ILRUN: variants seen among roughly 807,000 people sequenced by gnomAD.
The protein encoded by ILRUN is protein ILRUN.
A neutral mutation model predicts 33.8 loss-of-function variants in ILRUN; 3 were observed. The ratio of observed to expected loss-of-function variants is 0.09; its 90% CI spans 0.04 to 0.23. The LOEUF (loss-of-function observed/expected upper bound fraction) is 0.23. Ranked by LOEUF, ILRUN falls within the 10% of genes least tolerant of loss-of-function variation. The pLI is 1.00. For missense variants in ILRUN, 210 were observed against 375.1 expected (o/e 0.56, Z 3.64); for synonymous variants, 124 against 138.9 (o/e 0.89, Z 0.75).
rs1215942659 is a variant in ILRUN, at chr6:34,696,279, A to G, written c.158+167T>C. On this transcript the variant is annotated intron_variant, in intron 1 of 4. Transcript: ENST00000374023. ...CTCCTTTAGCCCTGCTCAGCCCCCAAATACTCCCTATGCCCACGGGGCTCC... is the reference window on the plus strand; with the variant it reads ...CTCCTTTAGCCCTGCTCAGCCCCCAGATACTCCCTATGCCCACGGGGCTCC... 5.8e-6 allele frequency: 4 copies of G among 690,176 alleles called. No individual in the cohort carries two copies. The South Asian group carries it at 5.8e-5, about 10-fold the overall frequency. The allele number at this position is 690,176 out of a possible 1,614,324, so 42.8% of individuals were successfully genotyped here.
intron 1 of ILRUN, among the ~76,000 whole-genome samples, chr6:34,691,184 G>T (rs1763643037): frequency 2.6e-5 from 4 of 152,082 alleles, no homozygotes. Flanking sequence ...CACTGCACCT[G>T]GCCTAAACTA....
At chr6:34,601,944 G>A (rs931872331) in intron 4 of ILRUN, among the ~76,000 whole-genome samples, 5 of 152,160 alleles carry the variant, frequency 3.3e-5, no homozygotes, top group African/African-American at 4.8e-5. Flanking sequence ...GCACGAGTGC[G>A]CGAGCAGATG....
At chr6:34,650,816 T>A (rs1253810302) in intron 2 of ILRUN, among the ~76,000 whole-genome samples, 2 of 152,182 alleles carry the variant, frequency 1.3e-5, no homozygotes, top group Admixed American at 1.3e-4. Flanking sequence ...TTGGGACAAC[T>A]ATATGCGATT....
chr6:34,626,325 C>T (rs1762129206), intron 3 of ILRUN, among the ~76,000 whole-genome samples: 3 of 152,118 alleles, frequency 2.0e-5, no homozygotes, highest in Admixed American at 2.0e-4. Context: ...GTGCATGTCA[C>T]CATGCTCAGC....
At chr6:34,613,925 C>T (rs559776600) in intron 3 of ILRUN, among the ~76,000 whole-genome samples, 9 of 152,062 alleles carry the variant, frequency 5.9e-5, no homozygotes, top group African/African-American at 1.9e-4. Flanking sequence ...GCTGATTCTG[C>T]GGCTAGGGCA....
chr6:34,590,686 G>GT, intron 4 of ILRUN, 86 bp from the exon 5 acceptor site: 1 of 1,017,290 alleles, frequency 9.8e-7, no homozygotes, highest in Non-Finnish European at 1.6e-6. Flanking sequence ...ATGGTTCCCA[G>GT]TGAGTCACAA....
intron 1 of ILRUN, chr6:34,685,330 AATTTTTTTG>A (rs1763492422): frequency 1.3e-5 from 2 of 151,370 alleles, no homozygotes; most frequent in Non-Finnish European, 2.9e-5. Context: ...TTTATTTTTT[AATTTTTTTG>A]ATTTTTTATT....
rs1293818249 is a variant in ILRUN at position 34,592,213 on chromosome 6, C to T, written c.862-1613G>A. Among the ~76,000 whole-genome samples the T allele has an allele frequency of 6.6e-6, 1 of 152,266 alleles. No homozygotes were observed. The highest frequency in any genetic ancestry group is 1.5e-5 in the Non-Finnish European group (1 of 68,052). ...AATGGACAGGCCAATACCAATGGGG[C>T]ATCCACTACGTGCCAGGTGCTGCAG... On this transcript the variant is annotated intron_variant, in intron 4 of 4. Transcript: ENST00000374023. The surrounding 1 kb of genome is among the most constrained non-coding windows in gnomAD (Gnocchi z 4.0).
intron 3 of ILRUN, among the ~76,000 whole-genome samples, chr6:34,633,809 G>T (rs577503762): frequency 6.9e-6 from 1 of 145,978 alleles, no homozygotes; most frequent in South Asian, 2.2e-4. Context: ...AGAAAGGAAA[G>T]GAAAAAGAAA....
Position 34,696,645 on chromosome 6 carries a change from A to AGCC in ILRUN, c.-45_-43dup. On this transcript the variant is annotated 5_prime_UTR_variant, in exon 1 of 5. Coordinates refer to ENST00000374023, the MANE Select transcript of ILRUN (RefSeq NM_024294.4). ...CCGCTTCCCCGCCTCTTCACAACCA[A>AGCC]GCCGCCGCCGCGCCGCCGGGCCCGG... 6.4e-7 allele frequency: 1 copy of AGCC among 1,572,340 alleles called. No individual in the cohort carries two copies. The highest frequency in any genetic ancestry group is 1.4e-5 in the African/African-American group (1 of 73,484).
intron 1 of ILRUN, among the ~76,000 whole-genome samples, chr6:34,680,463 G>A (rs964512210): frequency 6.6e-6 from 1 of 151,942 alleles, no homozygotes; most frequent in African/African-American, 2.4e-5. Context: ...CATAAATCAT[G>A]TCTTTTTTTG....
chr6:34,650,206 T>C (rs1441913832), intron 2 of ILRUN, among the ~76,000 whole-genome samples: 1 of 152,122 alleles, frequency 6.6e-6, no homozygotes, highest in Non-Finnish European at 1.5e-5. Flanking sequence ...TCTACTCATA[T>C]TTTTAGAGGG....
intron 1 of ILRUN, among the ~76,000 whole-genome samples, chr6:34,657,687 T>TGTGG (rs1762802648): frequency 6.6e-6 from 1 of 152,174 alleles, no homozygotes; most frequent in Non-Finnish European, 1.5e-5. Flanking sequence ...CAGCTACAAA[T>TGTGG]GTGGGGTACA....
At chr6:34,616,748 A>G in intron 3 of ILRUN, 1 of 715,938 alleles carries the variant, frequency 1.4e-6, no homozygotes, top group Non-Finnish European at 2.5e-6. Flanking sequence ...AAGAAAAACT[A>G]GCAACTTCTA....
At chr6:34,601,455 A>T (rs1761505642) in intron 4 of ILRUN, among the ~76,000 whole-genome samples, 1 of 145,968 alleles carries the variant, frequency 6.9e-6, no homozygotes, top group African/African-American at 2.6e-5. Flanking sequence ...TGGCAGTGGG[A>T]AGGTTACACT....
At chr6:34,607,061 T>G (rs1011209893) in intron 3 of ILRUN, among the ~76,000 whole-genome samples, 157 bp from the exon 4 acceptor site, 1 of 152,246 alleles carries the variant, frequency 6.6e-6, no homozygotes, top group Non-Finnish European at 1.5e-5. Context: ...CTGGTACATT[T>G]GCATTGCATG....
In ILRUN at chr6:34,660,702, CTCTTAA is replaced by C. The variant is rs372762780; in HGVS notation, c.159-5929_159-5924del. The stretch of plus-strand genomic sequence containing the variant: ...GGAAAAAGGCTCAGCAAAATAGATG[CTCTTAA>C]CCAGGGCCTTCCAACATCAATGTGA... On this transcript the variant is annotated intron_variant, in intron 1 of 4. Transcript: ENST00000374023. Among the ~76,000 whole-genome samples, 281 of 152,080 alleles carry C rather than the reference CTCTTAA, an allele frequency of 1.8e-3. 2 individuals are homozygous for C. Among genetic ancestry groups the C allele is most frequent in the African/African-American group, 6.6e-3 (274 of 41,498 alleles).
chr6:34,595,258 C>G (rs1761376748), intron 4 of ILRUN, among the ~76,000 whole-genome samples: 2 of 152,184 alleles, frequency 1.3e-5, no homozygotes, highest in African/African-American at 4.8e-5. Flanking sequence ...GAGGGTAAAC[C>G]TGCAATATCT....
intron 4 of ILRUN, among the ~76,000 whole-genome samples, chr6:34,593,810 A>T (rs114325894): frequency 0.02 from 3,024 of 152,258 alleles, 35 homozygotes; most frequent in African/African-American, 0.039. Flanking sequence ...CCCCACACAC[A>T]GTATCATAGG....
Sources: allele counts gnomAD v4.1 joint callset (sites outside exome capture counted in the v4.1 genomes callset), GRCh38; gene constraint gnomAD v4.1.1; non-coding constraint Gnocchi (gnomAD v3.1); transcripts MANE v1.5; gene names NCBI Gene and HGNC (gene_info 2026-07-23, HGNC 2026-07-21).